The following HPSE2 variants were observed in gnomAD, a reference collection of about 807,000 sequenced individuals.
The protein encoded by HPSE2 is heparanase 2 (inactive).
In HPSE2, 38 loss-of-function variants were observed where a neutral mutation model predicts 60.5. That is an observed-to-expected ratio of 0.63 (90% CI 0.48 to 0.82). The LOEUF is 0.82. HPSE2 is among the 40% of genes least tolerant of loss of function. The pLI is 0.00. For missense variants in HPSE2, 713 were observed against 740.4 expected, an observed-to-expected ratio of 0.96 and a Z score of 0.43; for synonymous variants, 295 against 293.2, an observed-to-expected ratio of 1.01 and a Z score of -0.06.
intron 9 of HPSE2, among the ~76,000 whole-genome samples, chr10:98,567,003 G>A (rs759081692): frequency 1.8e-4 from 28 of 152,178 alleles, no homozygotes; most frequent in East Asian, 1.9e-4. Context: ...TCATACACTC[G>A]TAGATGACTT....
chr10:98,937,082 A>G lies in HPSE2; in HGVS notation c.611-193026T>C, dbSNP rs953313847. ...CAACAATATACAATAACGTTTTAAAAATAATTACCTGTGACAATGGAGCCA... is the reference window on the plus strand; with the variant it reads ...CAACAATATACAATAACGTTTTAAAGATAATTACCTGTGACAATGGAGCCA... On this transcript the variant is annotated intron_variant, in intron 3 of 11. Coordinates refer to ENST00000370552, the MANE Select transcript of HPSE2 (RefSeq NM_021828.5). Among the ~76,000 whole-genome samples, 8 of 143,390 alleles carry G rather than the reference A, an allele frequency of 5.6e-5. 1 individual carries two copies. The highest frequency in any genetic ancestry group is 4.2e-4 in the Admixed American group (6 of 14,388). 94.1% of individuals were successfully genotyped at this position (143,390 alleles called of 152,430 possible). A position where few individuals can be genotyped will look rare whatever the true frequency, so the allele number is the denominator to read the frequency against.
At chr10:98,517,564 G>A (rs1216281753) in intron 9 of HPSE2, among the ~76,000 whole-genome samples, 3 of 152,210 alleles carry the variant, frequency 2.0e-5, no homozygotes, top group African/African-American at 7.2e-5. Flanking sequence ...ATGGTGATAT[G>A]TAAGAATGTC....
At chr10:98,866,357 A>T (rs1361097103) in intron 3 of HPSE2, among the ~76,000 whole-genome samples, 1 of 152,104 alleles carries the variant, frequency 6.6e-6, no homozygotes, top group Non-Finnish European at 1.5e-5. Flanking sequence ...AAATGAAAAG[A>T]GCATCAGTCA....
At chr10:98,943,088 G>T (rs1313605838) in intron 3 of HPSE2, among the ~76,000 whole-genome samples, 1 of 110,810 alleles carries the variant, frequency 9.0e-6, no homozygotes, top group African/African-American at 3.4e-5. Flanking sequence ...TTGTGGGGTG[G>T]GGGGAGGGGG....
rs1847589673 is a variant in HPSE2 at position 99,177,814 on chromosome 10, A to T, written c.449-33415T>A. On this transcript the variant is annotated intron_variant, in intron 2 of 11. Coordinates refer to ENST00000370552, the MANE Select transcript of HPSE2 (RefSeq NM_021828.5). ...ACTCTCCGCCCCAAATCGACAGATTATACATTCTTCTCAGCACCACATCGC... is the reference window on the plus strand; with the variant it reads ...ACTCTCCGCCCCAAATCGACAGATTTTACATTCTTCTCAGCACCACATCGC... Among the ~76,000 whole-genome samples, 5 of 152,354 alleles carry T rather than the reference A, an allele frequency of 3.3e-5. No individual in the cohort carries two copies. In the South Asian group the frequency reaches 1.0e-3, roughly 32 times the overall value.
chr10:98,497,740 CA>C (rs1941896220), intron 9 of HPSE2, among the ~76,000 whole-genome samples: 6 of 151,938 alleles, frequency 3.9e-5, no homozygotes, highest in Middle Eastern at 3.4e-3. Flanking sequence ...TTTGTTTTTC[CA>C]AATAAATTTT....
At chr10:99,101,523 C>T (rs550016761) in intron 3 of HPSE2, among the ~76,000 whole-genome samples, 2 of 152,254 alleles carry the variant, frequency 1.3e-5, no homozygotes, top group African/African-American at 4.8e-5. Flanking sequence ...GACTTAGACT[C>T]CCACACAATA....
chr10:98,746,676 T>C (rs1234834520), intron 3 of HPSE2, among the ~76,000 whole-genome samples: 1 of 152,022 alleles, frequency 6.6e-6, no homozygotes, highest in African/African-American at 2.4e-5. Context: ...AAAATAGTTG[T>C]CCTATTTAGT....
the HPSE2 span, among the ~76,000 whole-genome samples, chr10:99,260,932 C>T: frequency 1.2e-4 from 18 of 152,158 alleles, no homozygotes; most frequent in Admixed American, 7.2e-4. Flanking sequence ...AAAACTGAAA[C>T]GTCTTATTTT....
chr10:99,059,425 C>G (rs1329253529), intron 3 of HPSE2, among the ~76,000 whole-genome samples: 1 of 152,132 alleles, frequency 6.6e-6, no homozygotes, highest in Non-Finnish European at 1.5e-5. Context: ...CAAAAATTCT[C>G]TACTTGCCCA....
chr10:99,251,776 G>A, the HPSE2 span, among the ~76,000 whole-genome samples: 765 of 143,012 alleles, frequency 5.3e-3, 8 homozygotes, highest in Non-Finnish European at 9.0e-3. Context: ...TGTAATTCCA[G>A]CACTTTAAGC....
chr10:98,546,878 T>C (rs1943696814), intron 9 of HPSE2, among the ~76,000 whole-genome samples: 1 of 149,128 alleles, frequency 6.7e-6, no homozygotes, highest in Non-Finnish European at 1.5e-5. Flanking sequence ...ACCTACAGAA[T>C]GGGAGAAAAT....
chr10:98,980,520 A>T (rs1308260468), intron 3 of HPSE2, among the ~76,000 whole-genome samples: 1 of 152,148 alleles, frequency 6.6e-6, no homozygotes, highest in Admixed American at 6.6e-5. Context: ...CAGAAAACAG[A>T]AGTGTAGTAC....
At chr10:98,876,283 C>T (rs551050534) in intron 3 of HPSE2, among the ~76,000 whole-genome samples, 16 of 151,874 alleles carry the variant, frequency 1.1e-4, no homozygotes, top group Middle Eastern at 6.8e-3. Flanking sequence ...TAGTAGAAGG[C>T]TATAGCTAAA....
chr10:98,760,345 T>C (rs1949978075), intron 3 of HPSE2, among the ~76,000 whole-genome samples: 3 of 152,100 alleles, frequency 2.0e-5, no homozygotes, highest in Admixed American at 1.3e-4. Flanking sequence ...ATGTTGAATA[T>C]AAGTGATAAG....
chr10:98,826,995 T>A lies in HPSE2; in HGVS notation c.611-82939A>T, dbSNP rs755653244. Among the ~76,000 whole-genome samples the A allele has an allele frequency of 4.0e-4, 61 of 151,868 alleles. 1 individual carries two copies. The highest frequency in any genetic ancestry group is 7.5e-4 in the Non-Finnish European group (51 of 67,940). On this transcript the variant is annotated intron_variant, in intron 3 of 11. Transcript: ENST00000370552. The stretch of plus-strand genomic sequence containing the variant: ...AGACCTCATCACTACAAAATTTTTT[T>A]AAAAAATTAGCTGGGTGTCGTGGTA...
chr10:98,533,511 T>G lies in HPSE2; in HGVS notation c.1321-43315A>C, dbSNP rs565527365. On this transcript the variant is annotated intron_variant, in intron 9 of 11. Transcript: ENST00000370552. ...GTCAATTTTAAACATATGTTTTTTA[T>G]ATTGAATAGACCTGTATAGTTCCAA... is the stretch of plus-strand genomic sequence containing the variant. Among the ~76,000 whole-genome samples, 3 of 152,342 alleles carry G rather than the reference T, an allele frequency of 2.0e-5. No homozygotes were observed. In the South Asian group the frequency reaches 6.2e-4, roughly 32 times the overall value.
intron 3 of HPSE2, among the ~76,000 whole-genome samples, chr10:99,130,250 A>G (rs1469928998): frequency 6.6e-6 from 1 of 152,210 alleles, no homozygotes; most frequent in African/African-American, 2.4e-5. Context: ...AAGATAAAGA[A>G]AGAGGTTCCC....
intron 2 of HPSE2, among the ~76,000 whole-genome samples, chr10:99,221,328 C>T (rs1034005217): frequency 6.6e-6 from 1 of 152,026 alleles, no homozygotes. Context: ...AATAACCAGT[C>T]AACAAGTACT....
Sources: gnomAD v4.1 joint callset for allele counts (sites outside exome capture counted in the v4.1 genomes callset) on GRCh38, gnomAD v4.1.1 for gene constraint, MANE v1.5 for transcripts, NCBI Gene and HGNC (gene_info 2026-07-23, HGNC 2026-07-21) for gene names.